The following TRIM2 variants were observed in gnomAD, a reference collection of about 807,000 sequenced individuals.
The protein encoded by TRIM2 is tripartite motif-containing protein 2.
TRIM2 carries 20 observed loss-of-function variants against 75.2 expected under a neutral mutation model. The observed-to-expected ratio is 0.27, with a 90% CI of 0.19 to 0.39. The LOEUF is 0.39. Among genes scored for constraint, TRIM2 ranks in the 10% least tolerant of loss-of-function variants. TRIM2 has a pLI of 1.00. For missense variants in TRIM2, 660 were observed against 990.8 expected (o/e 0.67, Z 4.48); for synonymous variants, 373 against 388.3 (o/e 0.96, Z 0.46).
At chr4:153,268,500 A>T (rs1352903019) in intron 1 of TRIM2, among the ~76,000 whole-genome samples, 1 of 152,260 alleles carries the variant, frequency 6.6e-6, no homozygotes, top group Non-Finnish European at 1.5e-5. Context: ...TTTCACTGCC[A>T]TAATTTTCTC....
intron 3 of TRIM2, among the ~76,000 whole-genome samples, chr4:153,279,049 C>T (rs1758649226): frequency 6.6e-6 from 1 of 152,138 alleles, no homozygotes; most frequent in African/African-American, 2.4e-5. Context: ...GCCTTCTGAA[C>T]AGGAGATAGG....
At chr4:153,221,763 TAAGG>T (rs1553966322) in intron 1 of TRIM2, among the ~76,000 whole-genome samples, 5 of 76,262 alleles carry the variant, frequency 6.6e-5, no homozygotes, top group South Asian at 5.3e-4. Context: ...AGGGAGGAAA[TAAGG>T]AAGGAAGGAA....
intron 1 of TRIM2, among the ~76,000 whole-genome samples, chr4:153,220,962 C>T (rs112293235): frequency 2.1e-4 from 32 of 152,112 alleles, no homozygotes; most frequent in East Asian, 3.9e-4. Flanking sequence ...ATAGAATTAG[C>T]GTATGACCCA....
At chr4:153,293,401 A>G (rs1220493252) in intron 4 of TRIM2, among the ~76,000 whole-genome samples, 1 of 152,238 alleles carries the variant, frequency 6.6e-6, no homozygotes, top group Non-Finnish European at 1.5e-5. Context: ...AGTACACTCA[A>G]ATAAACTGCT....
rs931571190 is a variant in TRIM2 at position 153,336,877 on chromosome 4, G to A, written c.*1911G>A. On this transcript the variant is annotated 3_prime_UTR_variant, in exon 12 of 12. Coordinates refer to ENST00000338700, the MANE Select transcript of TRIM2 (RefSeq NM_015271.5). ...TTTTAAAAAATACTTGAGCCTGTCC[G>A]TGATAAAGCTATAAAATTCAATAAC... is the stretch of plus-strand genomic sequence containing the variant. The A allele has an allele frequency of 2.3e-5, 23 of 984,894 alleles. No homozygotes were observed. Among genetic ancestry groups the A allele is most frequent in the Middle Eastern group, 1.0e-3 (2 of 1,914 alleles). 61.0% of individuals were successfully genotyped at this position (984,894 alleles called of 1,614,324 possible).
rs1770574399 is a variant in TRIM2, at chr4:153,327,818, C to T, written c.2023-712C>T. On this transcript the variant is annotated intron_variant, in intron 10 of 11. Transcript: ENST00000338700. ...TTAGCCCCCTACTTCTAACAGCTTC[C>T]CGTCTCTCTACTGAGAGATAAAAGA... Among the ~76,000 whole-genome samples, 5 of 152,064 alleles carry T rather than the reference C, an allele frequency of 3.3e-5. No homozygotes were observed. The South Asian group carries it at 1.0e-3, about 32-fold the overall frequency.
intron 1 of TRIM2, among the ~76,000 whole-genome samples, chr4:153,233,658 G>A (rs1744239138): frequency 6.6e-6 from 1 of 152,130 alleles, no homozygotes; most frequent in Non-Finnish European, 1.5e-5. Context: ...TTGAAGGAGT[G>A]AGGCGTGGAG....
intron 1 of TRIM2, among the ~76,000 whole-genome samples, chr4:153,242,530 C>CA (rs2149849898): frequency 6.6e-6 from 1 of 152,260 alleles, no homozygotes; most frequent in South Asian, 2.1e-4. Flanking sequence ...TATTTATAAA[C>CA]TCTTAACCAT....
intron 1 of TRIM2, among the ~76,000 whole-genome samples, chr4:153,191,371 C>T (rs570861995): frequency 2.2e-4 from 33 of 152,364 alleles, no homozygotes; most frequent in Admixed American, 1.2e-3. Flanking sequence ...AGCACAAACA[C>T]GGCCTTGGGG....
intron 1 of TRIM2, among the ~76,000 whole-genome samples, chr4:153,158,767 G>A (rs1729470666): frequency 6.6e-6 from 1 of 152,230 alleles, no homozygotes; most frequent in African/African-American, 2.4e-5. Context: ...GGTTATGAGT[G>A]CTGGCTCTAG....
At chr4:153,251,447 C>T (rs1433962821) in intron 1 of TRIM2, among the ~76,000 whole-genome samples, 1 of 152,240 alleles carries the variant, frequency 6.6e-6, no homozygotes, top group Non-Finnish European at 1.5e-5. Flanking sequence ...ATAATTACTT[C>T]TTACCATCTT....
chr4:153,226,708 C>T (rs547734619), intron 1 of TRIM2, among the ~76,000 whole-genome samples: 31 of 152,286 alleles, frequency 2.0e-4, no homozygotes, highest in African/African-American at 7.5e-4. Context: ...ACTCTCATTG[C>T]TGACCTTCGG....
chr4:153,272,481 A>AT (rs1344098230), intron 2 of TRIM2, among the ~76,000 whole-genome samples: 3,851 of 148,636 alleles, frequency 0.026, 100 homozygotes, highest in African/African-American at 0.068. Flanking sequence ...TATTTTATTA[A>AT]TTATTTATTA....
rs1341638291 is a variant in TRIM2 at position 153,295,724 on chromosome 4, G to A, written c.1198G>A (p.Asp400Asn). 5.6e-6 allele frequency: 9 copies of A among 1,614,026 alleles called. No individual in the cohort carries two copies. Among genetic ancestry groups the A allele is most frequent in the Admixed American group, 1.7e-5 (1 of 60,012 alleles). Reference protein sequence around the residue: ...AYLTAELSTPDGSVADGEILD... With the variant: ...AYLTAELSTPNGSVADGEILD... ...CCTCACCGCCGAACTGAGCACCCCC[G>A]ACGGGAGCGTGGCAGACGGGGAGAT... The change falls in exon 6 of 12, where the codon GAC becomes AAC. Residue 400 changes from aspartate to asparagine, a missense_variant. Transcript: ENST00000338700. The surrounding 1 kb of genome is among the most constrained non-coding windows in gnomAD (Gnocchi z 7.2).
At position 153,337,818 on chromosome 4, in the gene TRIM2, A is replaced by G; in HGVS notation, c.*2852A>G. ...GTAGCACTGAAAAATTACTCATTCA[A>G]ATTTCCCCTGGGCACGTAAGGCAAA... On this transcript the variant is annotated 3_prime_UTR_variant, in exon 12 of 12. Transcript: ENST00000338700. The G allele has an allele frequency of 1.0e-6, 1 of 985,784 alleles. No homozygotes were observed. Among genetic ancestry groups the G allele is most frequent in the Non-Finnish European group, 1.2e-6 (1 of 829,922 alleles). 61.1% of individuals were successfully genotyped at this position (985,784 alleles called of 1,614,324 possible).
At chr4:153,257,581 G>A (rs1348256195) in intron 1 of TRIM2, 1 of 1,289,722 alleles carries the variant, frequency 7.8e-7, no homozygotes, top group South Asian at 1.2e-5. Flanking sequence ...AGATATGCTG[G>A]GCTTCTGATG....
intron 1 of TRIM2, among the ~76,000 whole-genome samples, chr4:153,261,351 AGG>A (rs1753537963): frequency 6.6e-6 from 1 of 152,124 alleles, no homozygotes; most frequent in East Asian, 1.9e-4. Context: ...TGAACCTGGG[AGG>A]TGGACGTTGC....
chr4:153,334,068 C>T (rs193290763), intron 11 of TRIM2, among the ~76,000 whole-genome samples: 4 of 151,766 alleles, frequency 2.6e-5, no homozygotes, highest in Non-Finnish European at 5.9e-5. Context: ...GCTGATTTTT[C>T]CCCTTATAAG....
intron 1 of TRIM2, among the ~76,000 whole-genome samples, chr4:153,231,054 C>T (rs1410591531): frequency 3.3e-5 from 5 of 152,152 alleles, no homozygotes; most frequent in Non-Finnish European, 5.9e-5. Context: ...AGGACTCACA[C>T]CTAGGATGTC....
Sources: gnomAD v4.1 joint callset for allele counts (sites outside exome capture counted in the v4.1 genomes callset) on GRCh38, gnomAD v4.1.1 for gene constraint, Gnocchi (gnomAD v3.1) non-coding constraint, MANE v1.5 for transcripts, NCBI Gene and HGNC (gene_info 2026-07-23, HGNC 2026-07-21) for gene names.